RRBP1: variants seen among roughly 807,000 people sequenced by gnomAD.
The protein encoded by RRBP1 is ribosome-binding protein 1.
In RRBP1, 94 loss-of-function variants were observed where a neutral mutation model predicts 165.2. The ratio of observed to expected loss-of-function variants is 0.57; its 90% CI spans 0.48 to 0.68. RRBP1 has a LOEUF of 0.68. Among genes scored for constraint, RRBP1 ranks in the 30% least tolerant of loss-of-function variants. The pLI is 0.00. For synonymous variants in RRBP1, 680 were observed against 714.5 expected, an observed-to-expected ratio of 0.95 and a Z score of 0.77; for missense variants, 1,676 against 1,763.0, an observed-to-expected ratio of 0.95 and a Z score of 0.88.
chr20:17,636,457 CCT>C (rs746540567), intron 6 of RRBP1, 118 bp downstream of exon 6: 95 of 1,223,872 alleles, frequency 7.8e-5, no homozygotes, highest in Non-Finnish European at 1.0e-4. Context: ...CTTACAGACC[CCT>C]GTGGGCATCC....
chr20:17,664,574 C>G (rs949420535), intron 2 of RRBP1, among the ~76,000 whole-genome samples: 1 of 152,224 alleles, frequency 6.6e-6, no homozygotes, highest in African/African-American at 2.4e-5. Flanking sequence ...GAGAATGGCT[C>G]TTCTTCTGTT....
chr20:17,614,382 G>A (rs897793329), intron 24 of RRBP1, among the ~76,000 whole-genome samples, 162 bp from the exon 25 acceptor site: 1 of 152,148 alleles, frequency 6.6e-6, no homozygotes, highest in African/African-American at 2.4e-5. Context: ...CTGGGGGACA[G>A]GGAGGACTTG....
In RRBP1 at chr20:17,621,907, G is replaced by A; in HGVS notation, c.3188C>T (p.Thr1063Ile). 6.2e-7 allele frequency: 1 copy of A among 1,613,726 alleles called. No homozygotes were observed. The highest frequency in any genetic ancestry group is 8.5e-7 in the Non-Finnish European group (1 of 1,179,940). ...EKQLCLIEAQ[T>I]MEALLALLPE... Reference sequence around the variant, plus strand: ...GAGCAGAGCCAGCAGGGCCTCCATGGTCTGCGCCTCAATCAGACAGAGCTG... The same window carrying A: ...GAGCAGAGCCAGCAGGGCCTCCATGATCTGCGCCTCAATCAGACAGAGCTG... The change falls in exon 14 of 25, where the codon ACC (threonine) becomes ATC (isoleucine). Residue 1063 changes from threonine to isoleucine, a missense_variant. This residue lies in a region of RRBP1 where 1,184 missense variants were observed against 1,167.1 expected (regional missense o/e 1.01). Transcript: ENST00000377813.
chr20:17,620,868 G>T, intron 16 of RRBP1, 61 bp from the exon 17 acceptor site: 4 of 1,217,568 alleles, frequency 3.3e-6, no homozygotes, highest in Non-Finnish European at 4.7e-6. Context: ...CCACACAACC[G>T]CATCTTCCTG....
intron 20 of RRBP1, among the ~76,000 whole-genome samples, chr20:17,617,392 G>A (rs1048758869): frequency 6.6e-6 from 1 of 152,202 alleles, no homozygotes; most frequent in Non-Finnish European, 1.5e-5. Flanking sequence ...GGTTCCAATT[G>A]GAGACCCAGG....
intron 8 of RRBP1, among the ~76,000 whole-genome samples, chr20:17,631,887 A>G (rs1279734534): frequency 1.3e-5 from 2 of 152,268 alleles, no homozygotes; most frequent in African/African-American, 4.8e-5. Flanking sequence ...CCTCAGCAAA[A>G]AAGAGACATT....
chr20:17,615,430 C>T lies in RRBP1; in HGVS notation c.4050+1G>A. ...TGACCCCCGCCCCAGCCCCTGCCTG[C>T]CTTCAGCTGTGAGGCCTCCTCTGTT... is the stretch of plus-strand genomic sequence containing the variant. On this transcript the variant is annotated splice_donor_variant, in intron 23 of 24. Coordinates refer to ENST00000377813, the MANE Select transcript of RRBP1 (RefSeq NM_001365613.2). LOFTEE classifies it high-confidence loss of function. The T allele has an allele frequency of 6.2e-7, 1 of 1,607,074 alleles. No individual in the cohort carries two copies. The highest frequency in any genetic ancestry group is 8.5e-7 in the Non-Finnish European group (1 of 1,176,802).
At chr20:17,647,357 A>G (rs1228361578) in intron 3 of RRBP1, among the ~76,000 whole-genome samples, 1 of 152,264 alleles carries the variant, frequency 6.6e-6, no homozygotes, top group Non-Finnish European at 1.5e-5. Flanking sequence ...TAGCTGGGTA[A>G]GGACACGGTG....
chr20:17,620,517 C>T, intron 17 of RRBP1, 147 bp from the exon 18 acceptor site: 3 of 856,720 alleles, frequency 3.5e-6, no homozygotes, highest in Non-Finnish European at 5.8e-6. Flanking sequence ...ACCCTGGCGC[C>T]ATCTGGCAGT....
At chr20:17,648,425 G>T (rs1040079448) in intron 3 of RRBP1, among the ~76,000 whole-genome samples, 1 of 152,252 alleles carries the variant, frequency 6.6e-6, no homozygotes. Flanking sequence ...CCCAGCTCAG[G>T]CCACAGAGCC....
chr20:17,661,432 C>A (rs1233780942), intron 2 of RRBP1, among the ~76,000 whole-genome samples: 1 of 152,158 alleles, frequency 6.6e-6, no homozygotes, highest in Non-Finnish European at 1.5e-5. Flanking sequence ...TGTCAGCAGG[C>A]CCCTCTGTCA....
In RRBP1 at chr20:17,659,481, C is replaced by T. The variant is rs756836361; in HGVS notation, c.1027G>A (p.Glu343Lys). The T allele has an allele frequency of 1.4e-5, 21 of 1,535,872 alleles. No individual in the cohort carries two copies. The highest frequency in any genetic ancestry group is 4.0e-5 in the Admixed American group (2 of 50,208). The part of the protein sequence containing the change: ...EGAQNQGKKA[E>K]GAQNQGKKAE... ...TTCTTGCCCTGATTCTGGGCCCCCTCGGCCTTCTTGCCCTGATTCTGGGCC... is the reference window on the plus strand; with the variant it reads ...TTCTTGCCCTGATTCTGGGCCCCCTTGGCCTTCTTGCCCTGATTCTGGGCC... The change falls in exon 3 of 25, where the codon GAG becomes AAG. Residue 343 changes from glutamate to lysine, a missense_variant. Physicochemically the swap from Glu to Lys is moderately conservative, Grantham distance 56. Around this residue, in one of 5 missense-constraint regions of RRBP1, gnomAD observed 78 missense variants for 115.6 expected, o/e 0.67. Coordinates refer to ENST00000377813, the MANE Select transcript of RRBP1 (RefSeq NM_001365613.2).
At chr20:17,640,553 T>C (rs1568769116) in intron 5 of RRBP1, among the ~76,000 whole-genome samples, 4 of 152,254 alleles carry the variant, frequency 2.6e-5, no homozygotes, top group South Asian at 4.1e-4. Flanking sequence ...ACAGGACCTC[T>C]TCCGGCTTAG....
chr20:17,633,140 C>T (rs1346763941), intron 8 of RRBP1, among the ~76,000 whole-genome samples: 1 of 152,222 alleles, frequency 6.6e-6, no homozygotes, highest in Non-Finnish European at 1.5e-5. Flanking sequence ...GCACCTCAAA[C>T]TCCCTTATGG....
chr20:17,629,979 A>G lies in RRBP1; in HGVS notation c.2611-18T>C. 6.3e-7 allele frequency: 1 copy of G among 1,587,778 alleles called. No homozygotes were observed. The highest frequency in any genetic ancestry group is 8.5e-7 in the Non-Finnish European group (1 of 1,171,388). ...TGGGACGCCTGGGGACGGGCAGGGG[A>G]GTGGGGCAGTGAAGACGTGGAAGGA... On this transcript the variant is annotated intron_variant, in intron 8 of 24. Coordinates refer to ENST00000377813, the MANE Select transcript of RRBP1 (RefSeq NM_001365613.2).
intron 17 of RRBP1, 78 bp from the exon 18 acceptor site, chr20:17,620,448 C>T (rs1021778846): frequency 1.1e-5 from 14 of 1,320,526 alleles, no homozygotes; most frequent in East Asian, 4.6e-5. Context: ...AGGACCCGAG[C>T]GGGACTGACC....
chr20:17,647,081 C>T (rs534755162), intron 3 of RRBP1, among the ~76,000 whole-genome samples: 6 of 152,332 alleles, frequency 3.9e-5, no homozygotes, highest in Middle Eastern at 3.4e-3. Context: ...CAAAAGGCTC[C>T]GGCTCAGCTC....
chr20:17,657,357 T>C (rs963859173), intron 3 of RRBP1, among the ~76,000 whole-genome samples: 3 of 151,954 alleles, frequency 2.0e-5, no homozygotes, highest in African/African-American at 4.8e-5. Flanking sequence ...CCCCAGCAAA[T>C]GGCCCATCAA....
intron 2 of RRBP1, among the ~76,000 whole-genome samples, chr20:17,675,949 T>G (rs926798120): frequency 6.6e-6 from 1 of 152,224 alleles, no homozygotes; most frequent in Non-Finnish European, 1.5e-5. Flanking sequence ...GGCTCACGCC[T>G]ACAATCCTGG....
Sources: allele counts gnomAD v4.1 joint callset (sites outside exome capture counted in the v4.1 genomes callset), GRCh38; gene constraint gnomAD v4.1.1; regional missense constraint gnomAD v4.1.1; transcripts MANE v1.5; gene names NCBI Gene and HGNC (gene_info 2026-07-23, HGNC 2026-07-21).